KCNIP4: variants seen among roughly 807,000 people sequenced by gnomAD.
KCNIP4 encodes the protein Kv channel-interacting protein 4.
KCNIP4 carries 12 observed loss-of-function variants against 34.0 expected under a neutral mutation model. That is an observed-to-expected ratio of 0.35 (90% CI 0.23 to 0.57). The LOEUF is 0.57. KCNIP4 is among the 20% of genes least tolerant of loss of function. KCNIP4 has a pLI of 0.83. For synonymous variants in KCNIP4, 124 were observed against 102.2 expected (o/e 1.21, Z -1.29); for missense variants, 238 against 311.7 (o/e 0.76, Z 1.78).
chr4:21,207,843 C>CTT lies in KCNIP4; in HGVS notation c.62-325136_62-325135dup, dbSNP rs531286039. The stretch of plus-strand genomic sequence containing the variant: ...TTTTTTTTTCTCCTTTTTTCTTTTT[C>CTT]TTTTTTTTTTTTTTTCTGAGACATA... On this transcript the variant is annotated intron_variant, in intron 1 of 8. Transcript: ENST00000382152. Among the ~76,000 whole-genome samples, 118 of 115,110 alleles carry CTT rather than the reference C, an allele frequency of 1.0e-3. 2 individuals are homozygous for CTT. Among genetic ancestry groups the CTT allele is most frequent in the African/African-American group, 2.3e-3 (73 of 31,286 alleles). The allele number at this position is 115,110 out of a possible 152,430, so 75.5% of individuals were successfully genotyped here.
At position 21,697,695 on chromosome 4, in the gene KCNIP4, T is replaced by G. The variant is rs143275025; in HGVS notation, c.61+250876A>C. On this transcript the variant is annotated intron_variant, in intron 1 of 8. Transcript: ENST00000382152. Reference sequence around the variant, plus strand: ...TCAGTGTGGTGACCAAGTTCTTCTGTGGCAACAGACAGGCTGCCGGTTCAC... The same window carrying G: ...TCAGTGTGGTGACCAAGTTCTTCTGGGGCAACAGACAGGCTGCCGGTTCAC... The G allele has an allele frequency of 3.2e-6, 4 of 1,245,036 alleles. No homozygotes were observed. In the African/African-American group the frequency reaches 4.7e-5, roughly 15 times the overall value. 77.1% of individuals were successfully genotyped at this position (1,245,036 alleles called of 1,614,324 possible).
At chr4:21,440,355 G>C (rs2109701812) in intron 1 of KCNIP4, among the ~76,000 whole-genome samples, 1 of 152,290 alleles carries the variant, frequency 6.6e-6, no homozygotes, top group African/African-American at 2.4e-5. Context: ...TCCTAATGCA[G>C]AAACCATTTC....
At chr4:21,261,777 C>A (rs1364429120) in intron 1 of KCNIP4, among the ~76,000 whole-genome samples, 1 of 152,082 alleles carries the variant, frequency 6.6e-6, no homozygotes, top group Non-Finnish European at 1.5e-5. Flanking sequence ...CATTATTCCC[C>A]CACCCTAGTT....
intron 1 of KCNIP4, among the ~76,000 whole-genome samples, chr4:21,549,763 G>A (rs550607662): frequency 6.6e-6 from 1 of 152,104 alleles, no homozygotes; most frequent in East Asian, 1.9e-4. Context: ...ATTTGAAAAA[G>A]GGCAGTGGGG....
At chr4:21,185,479 C>G (rs1755147465) in intron 1 of KCNIP4, among the ~76,000 whole-genome samples, 2 of 151,622 alleles carry the variant, frequency 1.3e-5, no homozygotes, top group Non-Finnish European at 2.9e-5. Flanking sequence ...CTTCCTCCTC[C>G]TCCCCCTCCT....
chr4:21,313,423 T>C (rs1360922935), intron 1 of KCNIP4, among the ~76,000 whole-genome samples: 1 of 152,198 alleles, frequency 6.6e-6, no homozygotes, highest in Non-Finnish European at 1.5e-5. Context: ...AACAATCTCC[T>C]TGACAATTAT....
intron 1 of KCNIP4, among the ~76,000 whole-genome samples, chr4:21,262,757 C>A (rs1761553261): frequency 6.6e-6 from 1 of 152,216 alleles, no homozygotes; most frequent in African/African-American, 2.4e-5. Context: ...CCAACTTTTA[C>A]TCAATTACTC....
intron 1 of KCNIP4, among the ~76,000 whole-genome samples, chr4:21,422,819 C>G (rs1478596858): frequency 6.6e-6 from 1 of 152,040 alleles, no homozygotes; most frequent in Non-Finnish European, 1.5e-5. Flanking sequence ...AACTGAGAAG[C>G]CTTACTTAGA....
chr4:21,039,940 C>G (rs981614331), intron 1 of KCNIP4, among the ~76,000 whole-genome samples: 1 of 152,158 alleles, frequency 6.6e-6, no homozygotes, highest in Non-Finnish European at 1.5e-5. Flanking sequence ...CACAGTTCCT[C>G]ATGGCTGGGG....
chr4:21,743,349 A>T (rs907054256), intron 1 of KCNIP4, among the ~76,000 whole-genome samples: 4 of 151,212 alleles, frequency 2.6e-5, no homozygotes. Flanking sequence ...CAAAACCAGC[A>T]ATGTCTGGTA....
At chr4:21,826,392 A>G (rs1722677491) in intron 1 of KCNIP4, among the ~76,000 whole-genome samples, 1 of 152,140 alleles carries the variant, frequency 6.6e-6, no homozygotes, top group Non-Finnish European at 1.5e-5. Context: ...TCCACAAAAG[A>G]TTCACTTCTA....
At chr4:21,006,611 A>T (rs776191957) in intron 1 of KCNIP4, among the ~76,000 whole-genome samples, 1 of 152,238 alleles carries the variant, frequency 6.6e-6, no homozygotes, top group Non-Finnish European at 1.5e-5. Flanking sequence ...TGTGTTCAAG[A>T]TTCTACAGAA....
intron 1 of KCNIP4, among the ~76,000 whole-genome samples, chr4:21,367,816 C>T (rs1038706367): frequency 6.8e-6 from 1 of 147,414 alleles, no homozygotes; most frequent in East Asian, 2.0e-4. Context: ...TTGTCACTAG[C>T]GTGTAAACAC....
At chr4:21,681,894 A>T (rs560083326) in intron 1 of KCNIP4, among the ~76,000 whole-genome samples, 104 of 148,828 alleles carry the variant, frequency 7.0e-4, no homozygotes, top group African/African-American at 2.3e-3. Flanking sequence ...ATTTTTATTT[A>T]TTTATTTTTT....
At chr4:21,910,042 A>G (rs1177422994) in intron 1 of KCNIP4, among the ~76,000 whole-genome samples, 1 of 152,102 alleles carries the variant, frequency 6.6e-6, no homozygotes, top group East Asian at 1.9e-4. Context: ...ACATTAGGTG[A>G]ATAAACAAAC....
chr4:20,970,573 T>G lies in KCNIP4; in HGVS notation c.62-87864A>C, dbSNP rs74503661. On this transcript the variant is annotated intron_variant, in intron 1 of 8. Coordinates refer to ENST00000382152, the MANE Select transcript of KCNIP4 (RefSeq NM_025221.6). ...GGCAGTGCCTCGAAACACTTTTGCT[T>G]GTCACAACTCCCAGAAAGGTGCTAC... Among the ~76,000 whole-genome samples, 51 of 152,214 alleles carry G rather than the reference T, an allele frequency of 3.4e-4. No individual in the cohort carries two copies. The East Asian group carries it at 8.9e-3, about 27-fold the overall frequency.
chr4:21,504,296 C>A (rs1339187119), intron 1 of KCNIP4, among the ~76,000 whole-genome samples: 1 of 151,426 alleles, frequency 6.6e-6, no homozygotes, highest in Non-Finnish European at 1.5e-5. Context: ...GGTGAAACCC[C>A]GTCTCTATTA....
chr4:21,338,958 C>A (rs1716462462), intron 1 of KCNIP4, among the ~76,000 whole-genome samples: 1 of 152,108 alleles, frequency 6.6e-6, no homozygotes, highest in Non-Finnish European at 1.5e-5. Flanking sequence ...CCTGTAGGTT[C>A]TATAGGAATC....
chr4:21,742,673 A>C (rs1458149502), intron 1 of KCNIP4, among the ~76,000 whole-genome samples: 1 of 152,200 alleles, frequency 6.6e-6, no homozygotes, highest in Non-Finnish European at 1.5e-5. Flanking sequence ...CATTCCTCAA[A>C]GCATGGCAGA....
Sources: gnomAD v4.1 joint callset for allele counts (sites outside exome capture counted in the v4.1 genomes callset) on GRCh38, gnomAD v4.1.1 for gene constraint, MANE v1.5 for transcripts, NCBI Gene and HGNC (gene_info 2026-07-23, HGNC 2026-07-21) for gene names.